KCNJ6: variants seen among roughly 807,000 people sequenced by gnomAD.
KCNJ6 encodes the protein potassium inwardly rectifying channel subfamily J member 6, also known as G protein-activated inward rectifier potassium channel 2.
In KCNJ6, 9 loss-of-function variants were observed where a neutral mutation model predicts 34.2. The observed-to-expected ratio is 0.26, with a 90% confidence interval of 0.16 to 0.46. The LOEUF (loss-of-function observed/expected upper bound fraction) is 0.46, where lower values mean the gene tolerates loss of function less well. KCNJ6 is among the 20% of genes least tolerant of loss of function. KCNJ6 has a pLI of 1.00. For synonymous variants in KCNJ6, 196 were observed against 207.1 expected, an observed-to-expected ratio of 0.95 and a Z score of 0.46; for missense variants, 236 against 531.3, an observed-to-expected ratio of 0.44 and a Z score of 5.46.
chr21:37,722,668 C>CA (rs2054832880), intron 2 of KCNJ6, among the ~76,000 whole-genome samples: 1 of 152,112 alleles, frequency 6.6e-6, no homozygotes, highest in Non-Finnish European at 1.5e-5. Flanking sequence ...ACAAGGTTGA[C>CA]AAAAATAAGC....
At chr21:37,651,279 A>G (rs1428352393) in intron 3 of KCNJ6, among the ~76,000 whole-genome samples, 1 of 152,190 alleles carries the variant, frequency 6.6e-6, no homozygotes, top group Non-Finnish European at 1.5e-5. Context: ...ATATGAGGTG[A>G]GGCTAAAGAG....
intron 3 of KCNJ6, among the ~76,000 whole-genome samples, chr21:37,626,759 C>T (rs2054313122): frequency 6.6e-6 from 1 of 152,146 alleles, no homozygotes; most frequent in African/African-American, 2.4e-5. Context: ...GTGTCTATGG[C>T]CCATGATACT....
intron 2 of KCNJ6, among the ~76,000 whole-genome samples, chr21:37,764,512 G>A (rs2055081554): frequency 6.6e-6 from 1 of 151,856 alleles, no homozygotes; most frequent in African/African-American, 2.4e-5. Context: ...CTGAGGAGCT[G>A]AGATTACAGG....
intron 2 of KCNJ6, among the ~76,000 whole-genome samples, chr21:37,728,744 G>A (rs553414826): frequency 1.3e-5 from 2 of 152,202 alleles, no homozygotes; most frequent in South Asian, 2.1e-4. Context: ...AGAGAAAAGC[G>A]TATGGAGAGA....
In KCNJ6 at chr21:37,688,454, G is replaced by A. The variant is rs927771378; in HGVS notation, c.946+25757C>T. On this transcript the variant is annotated intron_variant, in intron 3 of 3. Transcript: ENST00000609713. ...CTAATTTAATAATCATTGAAACCTA[G>A]CCAGGCAGGAATCTCATCAGATAAA... Among the ~76,000 whole-genome samples the A allele has an allele frequency of 5.3e-5, 8 of 151,586 alleles. No individual in the cohort carries two copies. In the East Asian group the frequency reaches 7.8e-4, roughly 15 times the overall value.
rs934317982 is a variant in KCNJ6, at chr21:37,620,578, T to C, written c.*4581A>G. The C allele has an allele frequency of 5.9e-5, 9 of 152,138 alleles. No individual in the cohort carries two copies. Among genetic ancestry groups the C allele is most frequent in the Non-Finnish European group, 1.3e-4 (9 of 68,022 alleles). 9.4% of individuals were successfully genotyped at this position (152,138 alleles called of 1,614,324 possible). A position where few individuals can be genotyped will look rare whatever the true frequency, so the allele number is the denominator to read the frequency against. On this transcript the variant is annotated 3_prime_UTR_variant, in exon 4 of 4. Coordinates refer to ENST00000609713, the MANE Select transcript of KCNJ6 (RefSeq NM_002240.5). ...TTAGCAGATTTGGTTTGCTGAAATTTTTTGTAGTAAAAATAGCCCACAGCT... is the reference window on the plus strand; with the variant it reads ...TTAGCAGATTTGGTTTGCTGAAATTCTTTGTAGTAAAAATAGCCCACAGCT...
At chr21:37,754,432 C>A (rs1208470669) in intron 2 of KCNJ6, among the ~76,000 whole-genome samples, 1 of 152,190 alleles carries the variant, frequency 6.6e-6, no homozygotes, top group Non-Finnish European at 1.5e-5. Flanking sequence ...TAGCTTGAAG[C>A]CTGTGGTATG....
At chr21:37,729,577 A>C (rs1269171069) in intron 2 of KCNJ6, among the ~76,000 whole-genome samples, 1 of 152,004 alleles carries the variant, frequency 6.6e-6, no homozygotes, top group Non-Finnish European at 1.5e-5. Context: ...ACCCACCTCA[A>C]CCTCCCAAAA....
chr21:37,754,396 T>C (rs559343130), intron 2 of KCNJ6, among the ~76,000 whole-genome samples: 1 of 152,338 alleles, frequency 6.6e-6, no homozygotes, highest in African/African-American at 2.4e-5. Context: ...CCATAGTTTG[T>C]TAGCAGAACA....
intron 1 of KCNJ6, among the ~76,000 whole-genome samples, chr21:37,844,315 C>T (rs2055495797): frequency 6.6e-6 from 1 of 152,090 alleles, no homozygotes; most frequent in Non-Finnish European, 1.5e-5. Context: ...ACCTTATCCT[C>T]CCAAAATGCT....
At chr21:37,790,106 G>C (rs1423670904) in intron 2 of KCNJ6, among the ~76,000 whole-genome samples, 1 of 152,148 alleles carries the variant, frequency 6.6e-6, no homozygotes, top group Non-Finnish European at 1.5e-5. Context: ...AGACTCAAGT[G>C]GTCCACAGAA....
At chr21:37,761,686 CGTGT>C (rs1054513833) in intron 2 of KCNJ6, among the ~76,000 whole-genome samples, 12 of 95,658 alleles carry the variant, frequency 1.3e-4, no homozygotes, top group Non-Finnish European at 2.2e-5. Context: ...TGTATATTTG[CGTGT>C]GTGTTGTATG....
chr21:37,869,611 T>C (rs958713488), intron 1 of KCNJ6, among the ~76,000 whole-genome samples: 1 of 152,232 alleles, frequency 6.6e-6, no homozygotes, highest in Non-Finnish European at 1.5e-5. Context: ...AGGTGGCTGA[T>C]GACATGGACT....
chr21:37,843,474 C>T (rs986108367), intron 1 of KCNJ6, among the ~76,000 whole-genome samples: 1 of 152,118 alleles, frequency 6.6e-6, no homozygotes, highest in African/African-American at 2.4e-5. Context: ...CTCTAAACTC[C>T]TTATGTCCTT....
At chr21:37,786,105 T>G (rs923850926) in intron 2 of KCNJ6, among the ~76,000 whole-genome samples, 1 of 152,210 alleles carries the variant, frequency 6.6e-6, no homozygotes, top group African/African-American at 2.4e-5. Context: ...CCTACAACTC[T>G]TTACAGCCTA....
intron 3 of KCNJ6, among the ~76,000 whole-genome samples, chr21:37,685,548 C>G (rs75888526): frequency 9.0e-5 from 1 of 11,128 alleles, no homozygotes; most frequent in South Asian, 2.0e-3. Flanking sequence ...GGGCGTGGCG[C>G]GTATGCCTGT....
At chr21:37,719,774 TAA>T (rs1419875371) in intron 2 of KCNJ6, among the ~76,000 whole-genome samples, 5 of 152,192 alleles carry the variant, frequency 3.3e-5, no homozygotes, top group East Asian at 3.8e-4. Context: ...AAAGAAATAA[TAA>T]TAAATGACAG....
intron 1 of KCNJ6, among the ~76,000 whole-genome samples, chr21:37,844,720 T>G (rs1272439618): frequency 6.6e-6 from 1 of 152,152 alleles, no homozygotes; most frequent in Admixed American, 6.6e-5. Context: ...CCTCTCCAAA[T>G]TCATCCCTAA....
chr21:37,614,560 G>A lies in KCNJ6; in HGVS notation c.*10599C>T, dbSNP rs62221581. 0.086 allele frequency: 12,589 copies of A among 146,418 alleles called. 767 individuals carry two copies. Among genetic ancestry groups the A allele is most frequent in the South Asian group, 0.2 (891 of 4,500 alleles). The allele number at this position is 146,418 out of a possible 1,614,324, so 9.1% of individuals were successfully genotyped here. A position where few individuals can be genotyped will look rare whatever the true frequency, so the allele number is the denominator to read the frequency against. ...TCTGTGTATGCGTGTGTGTGTATGC[G>A]TGTGTGTATGCATGTGTCTCTGTAT... is the stretch of plus-strand genomic sequence containing the variant. On this transcript the variant is annotated 3_prime_UTR_variant, in exon 4 of 4. Transcript: ENST00000609713.
Sources: allele counts gnomAD v4.1 joint callset (sites outside exome capture counted in the v4.1 genomes callset), GRCh38; gene constraint gnomAD v4.1.1; transcripts MANE v1.5; gene names NCBI Gene and HGNC (gene_info 2026-07-23, HGNC 2026-07-21).